PTPRD: variants seen among roughly 807,000 people sequenced by gnomAD.
PTPRD encodes receptor-type tyrosine-protein phosphatase delta.
Under a neutral mutation model 214.5 loss-of-function variants are expected in PTPRD, and 34 were observed. The observed-to-expected ratio is 0.16, with a 90% CI of 0.12 to 0.21. The LOEUF is 0.21. PTPRD is among the 10% of genes least tolerant of loss of function. The pLI, the probability that PTPRD is intolerant of heterozygous loss-of-function variation, is 1.00. For synonymous variants in PTPRD, 1,128 were observed against 845.7 expected, an observed-to-expected ratio of 1.33 and a Z score of -5.79; for missense variants, 2,545 against 2,398.7, an observed-to-expected ratio of 1.06 and a Z score of -1.27.
At chr9:9,699,457 T>A (rs2097448439) in intron 7 of PTPRD, among the ~76,000 whole-genome samples, 1 of 152,154 alleles carries the variant, frequency 6.6e-6, no homozygotes, top group African/African-American at 2.4e-5. Context: ...AATATTAGGG[T>A]CTTTGGTGCC....
At chr9:9,263,387 A>T (rs2099980982) in intron 9 of PTPRD, among the ~76,000 whole-genome samples, 1 of 151,678 alleles carries the variant, frequency 6.6e-6, no homozygotes, top group South Asian at 2.1e-4. Flanking sequence ...AGTTTAGTTC[A>T]ACTGAATGAC....
At chr9:9,222,303 G>A (rs999259798) in intron 9 of PTPRD, among the ~76,000 whole-genome samples, 1 of 151,940 alleles carries the variant, frequency 6.6e-6, no homozygotes, top group African/African-American at 2.4e-5. Context: ...TGTACCATTA[G>A]CTTAAAACAT....
At chr9:10,302,306 A>G (rs2095885458) in intron 3 of PTPRD, among the ~76,000 whole-genome samples, 1 of 152,228 alleles carries the variant, frequency 6.6e-6, no homozygotes, top group Non-Finnish European at 1.5e-5. Flanking sequence ...CAGCCACTGC[A>G]AAAACATACC....
At chr9:8,717,499 G>A (rs551880577) in intron 12 of PTPRD, among the ~76,000 whole-genome samples, 2 of 152,160 alleles carry the variant, frequency 1.3e-5, no homozygotes, top group South Asian at 2.1e-4. Context: ...CTCCTAACTG[G>A]TCTTCCACCC....
intron 8 of PTPRD, among the ~76,000 whole-genome samples, chr9:9,545,036 G>A (rs1185644142): frequency 6.6e-6 from 1 of 151,656 alleles, no homozygotes; most frequent in Non-Finnish European, 1.5e-5. Flanking sequence ...AAAGTATAGA[G>A]ATTTCAAATA....
At chr9:9,760,382 G>A (rs1444724665) in intron 6 of PTPRD, among the ~76,000 whole-genome samples, 1 of 151,988 alleles carries the variant, frequency 6.6e-6, no homozygotes, top group Admixed American at 6.6e-5. Context: ...AAATTTTTGA[G>A]GGTAAAACAT....
intron 3 of PTPRD, among the ~76,000 whole-genome samples, chr9:10,225,643 G>A (rs1050848047): frequency 7.2e-5 from 11 of 152,020 alleles, no homozygotes; most frequent in African/African-American, 2.4e-4. Flanking sequence ...TTTTGCAAAA[G>A]TGTTGGAATA....
chr9:9,520,066 G>A (rs1467228487), intron 8 of PTPRD, among the ~76,000 whole-genome samples: 1 of 151,776 alleles, frequency 6.6e-6, no homozygotes, highest in Non-Finnish European at 1.5e-5. Context: ...TTCAAATATT[G>A]GAACTTTTTT....
At chr9:8,992,095 C>T (rs1382722746) in intron 11 of PTPRD, among the ~76,000 whole-genome samples, 3 of 151,976 alleles carry the variant, frequency 2.0e-5, no homozygotes, top group East Asian at 1.9e-4. Flanking sequence ...TCCTGTTTGG[C>T]GGCCCAAACA....
At chr9:9,613,305 G>A (rs529959098) in intron 7 of PTPRD, among the ~76,000 whole-genome samples, 41 of 151,546 alleles carry the variant, frequency 2.7e-4, no homozygotes, top group Middle Eastern at 3.2e-3. Flanking sequence ...TCTAAAAAAC[G>A]TCATTCAATC....
At chr9:9,598,433 T>A (rs1216751647) in intron 7 of PTPRD, among the ~76,000 whole-genome samples, 1 of 152,040 alleles carries the variant, frequency 6.6e-6, no homozygotes, top group African/African-American at 2.4e-5. Flanking sequence ...ACCATTGCCC[T>A]ACTTCAGAAT....
chr9:10,517,655 C>T (rs922824645), intron 2 of PTPRD, among the ~76,000 whole-genome samples: 2 of 151,902 alleles, frequency 1.3e-5, no homozygotes, highest in Non-Finnish European at 1.5e-5. Context: ...TGTCTATATA[C>T]ATATATACAT....
At chr9:9,437,922 T>C (rs973950281) in intron 8 of PTPRD, among the ~76,000 whole-genome samples, 5 of 152,226 alleles carry the variant, frequency 3.3e-5, no homozygotes, top group African/African-American at 7.2e-5. Context: ...AAAAATTCAT[T>C]GTCTCACAGT....
chr9:9,035,593 C>T (rs796969879), intron 10 of PTPRD, among the ~76,000 whole-genome samples: 120 of 151,922 alleles, frequency 7.9e-4, no homozygotes, highest in African/African-American at 2.8e-3. Context: ...TGGATACACC[C>T]AGTTAGCTAA....
chr9:10,454,955 T>C (rs2098896527), intron 2 of PTPRD, among the ~76,000 whole-genome samples: 1 of 151,738 alleles, frequency 6.6e-6, no homozygotes, highest in African/African-American at 2.4e-5. Context: ...GAAATTAAAG[T>C]TGAGAGGACA....
chr9:10,527,482 G>A (rs1266506276), intron 2 of PTPRD, among the ~76,000 whole-genome samples: 2 of 152,162 alleles, frequency 1.3e-5, no homozygotes, highest in Non-Finnish European at 2.9e-5. Flanking sequence ...TAGGTAGACT[G>A]GAAGAAGACA....
At chr9:10,181,909 G>C (rs575528387) in intron 3 of PTPRD, among the ~76,000 whole-genome samples, 1 of 116,190 alleles carries the variant, frequency 8.6e-6, no homozygotes, top group African/African-American at 3.4e-5. Flanking sequence ...AGACAGAAAA[G>C]CTTTCTTAAA....
intron 11 of PTPRD, among the ~76,000 whole-genome samples, chr9:8,880,619 C>G (rs182372181): frequency 6.6e-6 from 1 of 151,866 alleles, no homozygotes; most frequent in Non-Finnish European, 1.5e-5. Flanking sequence ...TATACTGCAC[C>G]TTTTTTTTCC....
chr9:10,161,171 A>G (rs949114793), intron 3 of PTPRD, among the ~76,000 whole-genome samples: 8 of 151,904 alleles, frequency 5.3e-5, no homozygotes, highest in South Asian at 2.1e-4. Flanking sequence ...TGCAATCCCA[A>G]TGAAAACACC....
Sources: gnomAD v4.1 joint callset for allele counts (sites outside exome capture counted in the v4.1 genomes callset) on GRCh38, gnomAD v4.1.1 for gene constraint, MANE v1.5 for transcripts, NCBI Gene and HGNC (gene_info 2026-07-23, HGNC 2026-07-21) for gene names.